CHN2: variants seen among roughly 807,000 people sequenced by gnomAD.
CHN2 encodes the protein beta-chimaerin.
Under a neutral mutation model 56.3 loss-of-function variants are expected in CHN2, and 35 were observed. That is an observed-to-expected ratio of 0.62 (90% CI 0.47 to 0.82). CHN2 has a LOEUF of 0.82. CHN2 is among the 40% of genes least tolerant of loss of function. The probability of loss-of-function intolerance (pLI) is 0.00; values close to 1 mark genes in which losing one functional copy is unlikely to be tolerated. For missense variants in CHN2, 491 were observed against 580.5 expected, an observed-to-expected ratio of 0.85 and a Z score of 1.58; for synonymous variants, 210 against 212.8, an observed-to-expected ratio of 0.99 and a Z score of 0.12.
intron 6 of CHN2, among the ~76,000 whole-genome samples, chr7:29,433,064 G>A (rs896151359): frequency 2.6e-5 from 4 of 152,312 alleles, no homozygotes; most frequent in South Asian, 2.1e-4. Context: ...ACTGGCAGGA[G>A]TGCTTTATTT....
intron 8 of CHN2, among the ~76,000 whole-genome samples, chr7:29,497,092 G>A (rs1232373051): frequency 2.0e-5 from 3 of 152,148 alleles, no homozygotes; most frequent in East Asian, 3.9e-4. Flanking sequence ...ACCAATCACC[G>A]GTGTTGATAC....
chr7:29,237,093 T>G (rs1194072942), intron 1 of CHN2, among the ~76,000 whole-genome samples: 1 of 152,156 alleles, frequency 6.6e-6, no homozygotes, highest in Non-Finnish European at 1.5e-5. Context: ...CTGAAGTGCT[T>G]TCTTTGCTAA....
chr7:29,238,564 A>T (rs1182336704), intron 1 of CHN2, among the ~76,000 whole-genome samples: 7 of 152,188 alleles, frequency 4.6e-5, no homozygotes, highest in Non-Finnish European at 1.0e-4. Flanking sequence ...ACATAAATGT[A>T]TTGAGGATTG....
At chr7:29,250,691 T>A in intron 1 of CHN2, among the ~76,000 whole-genome samples, 1 of 151,748 alleles carries the variant, frequency 6.6e-6, no homozygotes, top group Admixed American at 6.6e-5. Flanking sequence ...GACTCTTCCC[T>A]TTTTTTACCT....
rs145255378 is a variant in CHN2, at chr7:29,453,906, C to T, written c.577-26373C>T. ...GATTGATGTGGAAACCTTGTGCATCCTAAAATGCTGCCCTTACTCATCCTT... is the reference window on the plus strand; with the variant it reads ...GATTGATGTGGAAACCTTGTGCATCTTAAAATGCTGCCCTTACTCATCCTT... On this transcript the variant is annotated intron_variant, in intron 6 of 12. Transcript: ENST00000222792. Among the ~76,000 whole-genome samples, 998 of 152,268 alleles carry T rather than the reference C, an allele frequency of 6.6e-3. 13 individuals are homozygous for T. The highest frequency in any genetic ancestry group is 0.023 in the African/African-American group (943 of 41,526).
rs532356766 is a variant in CHN2 at position 29,424,612 on chromosome 7, T to C, written c.576+23784T>C. ...ACAGGCCACATCTGGCTGACAGACA[T>C]GTTTTGACTGGTTCGTACATTGTTT... On this transcript the variant is annotated intron_variant, in intron 6 of 12. Transcript: ENST00000222792. Among the ~76,000 whole-genome samples, 11 of 152,346 alleles carry C rather than the reference T, an allele frequency of 7.2e-5. No individual in the cohort carries two copies. In the South Asian group the frequency reaches 1.7e-3, roughly 23 times the overall value.
At chr7:29,346,190 C>G (rs1264820252) in intron 1 of CHN2, among the ~76,000 whole-genome samples, 2 of 152,200 alleles carry the variant, frequency 1.3e-5, no homozygotes, top group Non-Finnish European at 1.5e-5. Flanking sequence ...TTTGGCCGTG[C>G]TGGCCTGACA....
chr7:29,399,642 C>T (rs1176764756), intron 5 of CHN2, among the ~76,000 whole-genome samples: 3 of 152,190 alleles, frequency 2.0e-5, no homozygotes, highest in African/African-American at 4.8e-5. Context: ...AGCCCTCTCT[C>T]CATAGGGGGA....
intron 1 of CHN2, among the ~76,000 whole-genome samples, chr7:29,204,199 T>C (rs116636041): frequency 0.016 from 2,442 of 151,964 alleles, 84 homozygotes; most frequent in African/African-American, 0.056. Flanking sequence ...TCCACACATA[T>C]CTGTATTTCT....
chr7:29,437,416 G>C (rs1783310976), intron 6 of CHN2, among the ~76,000 whole-genome samples: 1 of 97,150 alleles, frequency 1.0e-5, no homozygotes. Context: ...GGCTAACACG[G>C]TGAAACCCCG....
chr7:29,496,391 G>A (rs1789289046), intron 8 of CHN2, among the ~76,000 whole-genome samples: 1 of 151,840 alleles, frequency 6.6e-6, no homozygotes, highest in Non-Finnish European at 1.5e-5. Context: ...TGCTACAAAA[G>A]GTAAGACATA....
At chr7:29,245,651 A>G (rs1214685710) in intron 1 of CHN2, among the ~76,000 whole-genome samples, 1 of 152,180 alleles carries the variant, frequency 6.6e-6, no homozygotes, top group African/African-American at 2.4e-5. Flanking sequence ...AATTTAAGGG[A>G]TTTGCCCAAA....
At chr7:29,198,055 G>A (rs1584701895) in intron 1 of CHN2, 2 of 456,202 alleles carry the variant, frequency 4.4e-6, no homozygotes. Flanking sequence ...GCAGCATCAT[G>A]CACAGAGCTG....
intron 6 of CHN2, among the ~76,000 whole-genome samples, chr7:29,428,827 A>G (rs2128111862): frequency 6.6e-6 from 1 of 152,328 alleles, no homozygotes; most frequent in African/African-American, 2.4e-5. Context: ...AAACTGATGC[A>G]ACCCACAGAA....
chr7:29,420,394 A>G (rs1218004694), intron 6 of CHN2, among the ~76,000 whole-genome samples: 2 of 152,250 alleles, frequency 1.3e-5, no homozygotes, highest in Non-Finnish European at 2.9e-5. Flanking sequence ...TGGATGAATG[A>G]ATAAAGAAAA....
At chr7:29,350,291 T>A (rs1412341062) in intron 1 of CHN2, among the ~76,000 whole-genome samples, 2 of 150,862 alleles carry the variant, frequency 1.3e-5, no homozygotes, top group Non-Finnish European at 3.0e-5. Flanking sequence ...GAAAACCTAT[T>A]TTTTTTTTAA....
intron 1 of CHN2, among the ~76,000 whole-genome samples, chr7:29,231,852 T>G (rs2128801920): frequency 6.6e-6 from 1 of 152,358 alleles, no homozygotes; most frequent in South Asian, 2.1e-4. Flanking sequence ...TCATCACATG[T>G]GATCATGGTT....
chr7:29,363,302 A>G (rs1798877910), intron 2 of CHN2, among the ~76,000 whole-genome samples: 3 of 152,210 alleles, frequency 2.0e-5, no homozygotes, highest in African/African-American at 7.2e-5. Flanking sequence ...CCTGACCAAT[A>G]TGGTGAAAGC....
At chr7:29,300,764 T>C (rs1186035538) in intron 1 of CHN2, among the ~76,000 whole-genome samples, 2 of 152,226 alleles carry the variant, frequency 1.3e-5, no homozygotes, top group Admixed American at 6.5e-5. Flanking sequence ...AAGCCCCTTT[T>C]TTCAGGAATT....
Sources: allele counts gnomAD v4.1 joint callset (sites outside exome capture counted in the v4.1 genomes callset), GRCh38; gene constraint gnomAD v4.1.1; transcripts MANE v1.5; gene names NCBI Gene and HGNC (gene_info 2026-07-23, HGNC 2026-07-21).